Variants in TMEM167A observed in about 807,000 individuals in gnomAD.
TMEM167A encodes the protein protein kish-A.
In TMEM167A, 8 loss-of-function variants were observed where a neutral mutation model predicts 11.6. That is an observed-to-expected ratio of 0.69 (90% CI 0.40 to 1.24). TMEM167A has a LOEUF of 1.24. Ranked by LOEUF, TMEM167A falls within the 50% of genes most tolerant of loss-of-function variation. The pLI is 0.01. For missense variants in TMEM167A, 62 were observed against 87.0 expected (o/e 0.71, Z 1.14); for synonymous variants, 22 against 28.0 (o/e 0.79, Z 0.67).
intron 1 of TMEM167A, among the ~76,000 whole-genome samples, chr5:83,065,991 T>C (rs1350106956): frequency 6.6e-6 from 1 of 152,168 alleles, no homozygotes; most frequent in African/African-American, 2.4e-5. Flanking sequence ...CTCTCTTTTC[T>C]AGTCTCATAG....
At chr5:83,074,108 T>C (rs187540433) in intron 1 of TMEM167A, among the ~76,000 whole-genome samples, 6 of 152,370 alleles carry the variant, frequency 3.9e-5, no homozygotes, top group African/African-American at 1.4e-4. Flanking sequence ...ATATAAAGTC[T>C]TTGGCATGGC....
rs761342270 is a variant in TMEM167A at position 83,056,340 on chromosome 5, C to T, written c.*744G>A. 3 of 151,814 alleles carry T rather than the reference C, an allele frequency of 2.0e-5. No individual in the cohort carries two copies. The highest frequency in any genetic ancestry group is 2.9e-5 in the Non-Finnish European group (2 of 67,860). 9.4% of individuals were successfully genotyped at this position (151,814 alleles called of 1,614,324 possible). ...ATAATTGTTCTTTTCATTCTAAGAA[C>T]GTTGTGTTTTTCAGAGAAAGACAGC... is the stretch of plus-strand genomic sequence containing the variant. On this transcript the variant is annotated 3_prime_UTR_variant, in exon 4 of 4. Transcript: ENST00000502346.
chr5:83,064,655 ACAGG>A (rs1197848845), intron 2 of TMEM167A, among the ~76,000 whole-genome samples: 8 of 152,114 alleles, frequency 5.3e-5, no homozygotes, highest in Admixed American at 5.2e-4. Context: ...AATAAATTCA[ACAGG>A]ACTTTACTGA....
At chr5:83,071,494 T>C (rs1744558606) in intron 1 of TMEM167A, 1 of 152,146 alleles carries the variant, frequency 6.6e-6, no homozygotes, top group African/African-American at 2.4e-5. Context: ...TCAGAAAATC[T>C]AGGTCAGGTC....
At chr5:83,067,133 A>T (rs976756447) in intron 1 of TMEM167A, among the ~76,000 whole-genome samples, 8 of 152,222 alleles carry the variant, frequency 5.3e-5, no homozygotes, top group African/African-American at 7.2e-5. Flanking sequence ...CATTGTAAAG[A>T]CAACCTATAA....
rs535068657 is a variant in TMEM167A, at chr5:83,061,454, G to A, written c.148+423C>T. Among the ~76,000 whole-genome samples, 11 of 152,272 alleles carry A rather than the reference G, an allele frequency of 7.2e-5. No individual in the cohort carries two copies. The East Asian group carries it at 2.1e-3, about 29-fold the overall frequency. ...AGACAGAGTCTCACTCTGTCGCCCA[G>A]GATGGGGCACAGTGGTGTGATCTGG... On this transcript the variant is annotated intron_variant, in intron 3 of 3. Transcript: ENST00000502346.
chr5:83,064,639 C>A (rs533854208), intron 2 of TMEM167A, among the ~76,000 whole-genome samples: 176 of 152,076 alleles, frequency 1.2e-3, no homozygotes, highest in African/African-American at 4.0e-3. Context: ...TGGGTGAATA[C>A]TGAAGAATAA....
intron 3 of TMEM167A, among the ~76,000 whole-genome samples, chr5:83,059,790 A>T (rs1373939369): frequency 6.6e-6 from 1 of 151,930 alleles, no homozygotes; most frequent in East Asian, 1.9e-4. Flanking sequence ...TTCTGTTGTG[A>T]TGGATTCCCT....
rs543557659 is a variant in TMEM167A, at chr5:83,054,576, C to G, written c.*2508G>C. Reference sequence around the variant, plus strand: ...GCTGGAGGCCATTATCCTTAGCAAACTAACACAGAACAGAAAACCAAATAC... The same window carrying G: ...GCTGGAGGCCATTATCCTTAGCAAAGTAACACAGAACAGAAAACCAAATAC... On this transcript the variant is annotated 3_prime_UTR_variant, in exon 4 of 4. Coordinates refer to ENST00000502346, the MANE Select transcript of TMEM167A (RefSeq NM_174909.5). 1 of 151,980 alleles carries G rather than the reference C, an allele frequency of 6.6e-6. No homozygotes were observed. Among genetic ancestry groups the G allele is most frequent in the South Asian group, 2.1e-4 (1 of 4,826 alleles). 9.4% of individuals were successfully genotyped at this position (151,980 alleles called of 1,614,324 possible). A position where few individuals can be genotyped will look rare whatever the true frequency, so the allele number is the denominator to read the frequency against.
intron 1 of TMEM167A, chr5:83,071,248 G>A (rs969926451): frequency 2.6e-5 from 4 of 151,992 alleles, no homozygotes; most frequent in Admixed American, 2.0e-4. Context: ...CCTCCTATAT[G>A]GGGAATAAAT....
At position 83,065,113 on chromosome 5, in the gene TMEM167A, G is replaced by T; in HGVS notation, c.8C>A (p.Ala3Asp). Residue 3 changes from alanine (A) to aspartate (D), a missense_variant, in exon 2 of 4, where the codon GCC becomes GAC. Ala to Asp is a moderately radical substitution (Grantham distance 126, BLOSUM62 -2). Coordinates refer to ENST00000502346, the MANE Select transcript of TMEM167A (RefSeq NM_174909.5). MS[A>D]IFNFQSLLTV... ...CAATAGACTCTGAAAATTGAAAATG[G>T]CAGACTAAAAAGAAAAAAAAAAAAG... The T allele has an allele frequency of 6.4e-7, 1 of 1,555,672 alleles. No homozygotes were observed. The highest frequency in any genetic ancestry group is 8.7e-7 in the Non-Finnish European group (1 of 1,152,174).
rs893608688 is a variant in TMEM167A at position 83,054,217 on chromosome 5, A to G, written c.*2867T>C. ...ACCTGAACATATAAAAGCATTCAAG[A>G]TAGTGTCTGGCACAGTAGAACAGGG... On this transcript the variant is annotated 3_prime_UTR_variant, in exon 4 of 4. Coordinates refer to ENST00000502346, the MANE Select transcript of TMEM167A (RefSeq NM_174909.5). 1 of 152,010 alleles carries G rather than the reference A, an allele frequency of 6.6e-6. No homozygotes were observed. Among genetic ancestry groups the G allele is most frequent in the Non-Finnish European group, 1.5e-5 (1 of 67,930 alleles). The allele number at this position is 152,010 out of a possible 1,614,324, so 9.4% of individuals were successfully genotyped here. A position where few individuals can be genotyped will look rare whatever the true frequency, so the allele number is the denominator to read the frequency against.
chr5:83,065,125 G>GAAA lies in TMEM167A; in HGVS notation c.4-11_4-9dup. 7.5e-6 allele frequency: 8 copies of GAAA among 1,072,670 alleles called. No homozygotes were observed. The highest frequency in any genetic ancestry group is 3.2e-5 in the East Asian group (1 of 31,248). The allele number at this position is 1,072,670 out of a possible 1,614,324, so 66.4% of individuals were successfully genotyped here. On this transcript the variant is annotated splice_polypyrimidine_tract_variant and intron_variant, in intron 1 of 3. Coordinates refer to ENST00000502346, the MANE Select transcript of TMEM167A (RefSeq NM_174909.5). ...AAAATTGAAAATGGCAGACTAAAAA[G>GAAA]AAAAAAAAAAAAGAAAAATTAATAT...
At chr5:83,064,777 A>G (rs1744458260) in intron 2 of TMEM167A, among the ~76,000 whole-genome samples, 1 of 152,120 alleles carries the variant, frequency 6.6e-6, no homozygotes, top group African/African-American at 2.4e-5. Context: ...TAAATCCCTC[A>G]TGCGATTTTT....
intron 3 of TMEM167A, 23 bp downstream of exon 3, chr5:83,061,854 G>C (rs752213662): frequency 1.9e-6 from 3 of 1,599,322 alleles, no homozygotes; most frequent in Non-Finnish European, 2.6e-6. Flanking sequence ...CTGAAGAAAT[G>C]GAGGGAGATT....
At position 83,065,124 on chromosome 5, in the gene TMEM167A, A is replaced by AG; in HGVS notation, c.4-8dup. On this transcript the variant is annotated splice_polypyrimidine_tract_variant and splice_region_variant and intron_variant, in intron 1 of 3. Coordinates refer to ENST00000502346, the MANE Select transcript of TMEM167A (RefSeq NM_174909.5). ...GAAAATTGAAAATGGCAGACTAAAAAGAAAAAAAAAAAAGAAAAATTAATA... is the reference window on the plus strand; with the variant it reads ...GAAAATTGAAAATGGCAGACTAAAAAGGAAAAAAAAAAAAGAAAAATTAATA... The AG allele has an allele frequency of 6.6e-7, 1 of 1,521,048 alleles. No homozygotes were observed. The highest frequency in any genetic ancestry group is 8.9e-7 in the Non-Finnish European group (1 of 1,122,646). 94.2% of individuals were successfully genotyped at this position (1,521,048 alleles called of 1,614,324 possible).
chr5:83,072,075 G>A (rs1459278149), intron 1 of TMEM167A, among the ~76,000 whole-genome samples: 1 of 152,126 alleles, frequency 6.6e-6, no homozygotes, highest in Non-Finnish European at 1.5e-5. Context: ...GAGTAGAAGC[G>A]CTTGAACTCT....
intron 1 of TMEM167A, among the ~76,000 whole-genome samples, chr5:83,070,424 T>C (rs895565589): frequency 5.9e-5 from 9 of 152,216 alleles, no homozygotes; most frequent in Non-Finnish European, 8.8e-5. Context: ...TCTTTTGATA[T>C]GCTTGAAACA....
chr5:83,059,308 G>A (rs1027009048), intron 3 of TMEM167A, among the ~76,000 whole-genome samples: 1 of 151,996 alleles, frequency 6.6e-6, no homozygotes, highest in African/African-American at 2.4e-5. Flanking sequence ...GAACAAAGGG[G>A]CTGTTTGGGC....
Sources: allele counts gnomAD v4.1 joint callset (sites outside exome capture counted in the v4.1 genomes callset), GRCh38; gene constraint gnomAD v4.1.1; transcripts MANE v1.5; gene names NCBI Gene and HGNC (gene_info 2026-07-23, HGNC 2026-07-21).